MADD: variants seen among roughly 807,000 people sequenced by gnomAD.
MADD encodes the protein MAP kinase-activating death domain protein.
Under a neutral mutation model 176.7 loss-of-function variants are expected in MADD, and 109 were observed. The observed-to-expected ratio is 0.62, with a 90% CI of 0.53 to 0.72. The LOEUF is 0.72. Ranked by LOEUF, MADD falls within the 30% of genes least tolerant of loss-of-function variation. MADD has a pLI of 0.00. For synonymous variants in MADD, 771 were observed against 771.3 expected, an observed-to-expected ratio of 1.00 and a Z score of 0.01; for missense variants, 1,914 against 2,045.5, an observed-to-expected ratio of 0.94 and a Z score of 1.24.
chr11:47,278,300 T>C (rs1467367270), intron 6 of MADD, 22 bp downstream of exon 6: 8 of 1,546,728 alleles, frequency 5.2e-6, no homozygotes, highest in African/African-American at 1.4e-5. Flanking sequence ...GGCTGAGGCA[T>C]TGTAGAGTCT....
intron 22 of MADD, among the ~76,000 whole-genome samples, chr11:47,299,358 C>T (rs1209655672): frequency 2.0e-5 from 3 of 151,418 alleles, no homozygotes; most frequent in Non-Finnish European, 2.9e-5. Flanking sequence ...TTTATTTTTC[C>T]TCATGGAGAT....
intron 7 of MADD, among the ~76,000 whole-genome samples, chr11:47,281,118 T>C (rs566696949): frequency 4.6e-5 from 7 of 152,342 alleles, no homozygotes; most frequent in Non-Finnish European, 8.8e-5. Context: ...CGCTGCCCCA[T>C]TGAGCCTCTG....
chr11:47,276,293 A>G (rs1254492331), intron 4 of MADD, 91 bp downstream of exon 4: 12 of 1,303,804 alleles, frequency 9.2e-6, no homozygotes, highest in Admixed American at 2.6e-5. Context: ...CAGGGACTAC[A>G]TATTTTTCAC....
chr11:47,311,757 AG>A lies in MADD; in HGVS notation c.4006del (p.Val1336Ter). On this transcript the variant is annotated frameshift_variant, in exon 26 of 33. Coordinates refer to ENST00000402192, the Ensembl canonical transcript of MADD. LOFTEE classifies it high-confidence loss of function. ...GTAAATAAGAATGACATCCGCAAGAAGGTGAGGCGCCTAATGGGAAAGTCGC... is the reference window on the plus strand; with the variant it reads ...GTAAATAAGAATGACATCCGCAAGAAGTGAGGCGCCTAATGGGAAAGTCGC... 1 of 1,613,502 alleles carries A rather than the reference AG, an allele frequency of 6.2e-7. No homozygotes were observed. Among genetic ancestry groups the A allele is most frequent in the Non-Finnish European group, 8.5e-7 (1 of 1,179,408 alleles).
At position 47,311,952 on chromosome 11, in the gene MADD, G is replaced by C. The variant is rs2089647609; in HGVS notation, c.4089+110G>C. ...GAAAATGGAGCAGTTGTCTTTGACTGTAAATGAGGCATTAGTCCCTGTGTT... is the reference window on the plus strand; with the variant it reads ...GAAAATGGAGCAGTTGTCTTTGACTCTAAATGAGGCATTAGTCCCTGTGTT... On this transcript the variant is annotated intron_variant, in intron 26 of 32. Transcript: ENST00000402192. 1.2e-5 allele frequency: 8 copies of C among 652,362 alleles called. No individual in the cohort carries two copies. In the South Asian group the frequency reaches 1.5e-4, roughly 12 times the overall value. The allele number at this position is 652,362 out of a possible 1,614,324, so 40.4% of individuals were successfully genotyped here.
Position 47,273,985 on chromosome 11 carries a change from G to A in MADD, c.62+9G>A. 3 of 1,613,460 alleles carry A rather than the reference G, an allele frequency of 1.9e-6. No homozygotes were observed. The highest frequency in any genetic ancestry group is 1.7e-6 in the Non-Finnish European group (2 of 1,179,510). On this transcript the variant is annotated intron_variant, in intron 2 of 32. Transcript: ENST00000402192. ...GTGATCGTAGGGGCCAGGTAACCAAGAAGAGATTGACTTTTGTCTTAATAT... is the reference window on the plus strand; with the variant it reads ...GTGATCGTAGGGGCCAGGTAACCAAAAAGAGATTGACTTTTGTCTTAATAT...
At position 47,295,891 on chromosome 11, in the gene MADD, T is replaced by A. The variant is rs1481314663; in HGVS notation, c.3484-6T>A. 1.2e-6 allele frequency: 2 copies of A among 1,610,678 alleles called. No individual in the cohort carries two copies. Among genetic ancestry groups the A allele is most frequent in the South Asian group, 2.2e-5 (2 of 90,342 alleles). On this transcript the variant is annotated splice_polypyrimidine_tract_variant and splice_region_variant and intron_variant, in intron 21 of 32. Coordinates refer to ENST00000402192, the Ensembl canonical transcript of MADD. ...ACTGTCTCTTACTACCTTTTTTCCT[T>A]TCCAGGTGAGTAATAGCTCTGGAGA...
chr11:47,269,631 C>G (rs1312475842), upstream of MADD: 1 of 151,772 alleles, frequency 6.6e-6, no homozygotes. Flanking sequence ...ACTCCCCGCG[C>G]GCGCCCGGTG....
intron 9 of MADD, 57 bp downstream of exon 9, chr11:47,282,673 C>CT (rs1304788276): frequency 1.3e-6 from 2 of 1,595,376 alleles, no homozygotes; most frequent in East Asian, 4.5e-5. Context: ...TCCTGATGGA[C>CT]TTTGATTTTT....
At chr11:47,302,244 C>T (rs1187028951) in intron 22 of MADD, among the ~76,000 whole-genome samples, 2 of 152,018 alleles carry the variant, frequency 1.3e-5, no homozygotes, top group East Asian at 1.9e-4. Context: ...GACAGAGTCT[C>T]ACTCTGTCGC....
intron 1 of MADD, 35 bp from the exon 2 acceptor site, chr11:47,273,792 G>A: frequency 2.6e-6 from 2 of 772,596 alleles, no homozygotes; most frequent in South Asian, 1.5e-5. Flanking sequence ...CTTAGGCACA[G>A]CAGTGGATCT....
intron 3 of MADD, among the ~76,000 whole-genome samples, chr11:47,275,624 A>G (rs2049013167): frequency 6.6e-6 from 1 of 152,242 alleles, no homozygotes; most frequent in Non-Finnish European, 1.5e-5. Flanking sequence ...AGACTGCTGC[A>G]GAGTTAGACC....
intron 13 of MADD, 63 bp downstream of exon 13, chr11:47,285,257 G>T (rs890499108): frequency 6.3e-7 from 1 of 1,584,410 alleles, no homozygotes; most frequent in Admixed American, 1.7e-5. Flanking sequence ...TGGACCCTGG[G>T]CAAGGGTTAA....
intron 31 of MADD, chr11:47,327,213 C>T (rs1225371774): frequency 1.2e-5 from 12 of 1,003,494 alleles, no homozygotes; most frequent in Non-Finnish European, 1.1e-5. Flanking sequence ...TCCCTGGCGC[C>T]GCTCTGGTCT....
intron 4 of MADD, 78 bp downstream of exon 4, chr11:47,276,280 G>T: frequency 7.2e-7 from 1 of 1,382,450 alleles, no homozygotes; most frequent in Non-Finnish European, 9.8e-7. Context: ...AGCTCTTAGA[G>T]GACAGGGACT....
intron 14 of MADD, 100 bp downstream of exon 14, chr11:47,285,690 A>G (rs2060105824): frequency 2.0e-6 from 3 of 1,532,962 alleles, no homozygotes; most frequent in Non-Finnish European, 2.7e-6. Flanking sequence ...ATGTAGGGCT[A>G]GGTTGGCATT....
Position 47,276,209 on chromosome 11 carries a change from G to T in MADD, c.963+7G>T. Reference sequence around the variant, plus strand: ...CATTCTGTTAGAGCACAAGGTGAGAGGCAAGCTTCCTAGACCTTTCTAGGG... The same window carrying T: ...CATTCTGTTAGAGCACAAGGTGAGATGCAAGCTTCCTAGACCTTTCTAGGG... On this transcript the variant is annotated splice_region_variant and intron_variant, in intron 4 of 32. Coordinates refer to ENST00000402192, the Ensembl canonical transcript of MADD. 2 of 1,598,244 alleles carry T rather than the reference G, an allele frequency of 1.3e-6. No individual in the cohort carries two copies. The highest frequency in any genetic ancestry group is 1.7e-6 in the Non-Finnish European group (2 of 1,169,616).
chr11:47,288,520 C>A (rs1408790786), intron 15 of MADD, among the ~76,000 whole-genome samples: 2 of 152,188 alleles, frequency 1.3e-5, no homozygotes, highest in Admixed American at 1.3e-4. Flanking sequence ...GAAACTCTTT[C>A]ATTGCATGCT....
chr11:47,298,144 T>C (rs552881655), intron 22 of MADD, among the ~76,000 whole-genome samples: 1 of 152,332 alleles, frequency 6.6e-6, no homozygotes, highest in East Asian at 1.9e-4. Flanking sequence ...TCGTAAAAAT[T>C]AAATTGGCAA....
Sources: gnomAD v4.1 joint callset for allele counts (sites outside exome capture counted in the v4.1 genomes callset) on GRCh38, gnomAD v4.1.1 for gene constraint, MANE v1.5 for transcripts, NCBI Gene and HGNC (gene_info 2026-07-23, HGNC 2026-07-21) for gene names.